The following DNAH3 variants were observed in gnomAD, a reference collection of about 807,000 sequenced individuals.
The protein encoded by DNAH3 is dynein axonemal heavy chain 3.
In DNAH3, 332 loss-of-function variants were observed where a neutral mutation model predicts 432.5. The ratio of observed to expected loss-of-function variants is 0.77; its 90% CI spans 0.70 to 0.84. DNAH3 has a LOEUF of 0.84. DNAH3 is among the 40% of genes least tolerant of loss of function. The probability of loss-of-function intolerance (pLI) is 0.00; values close to 1 mark genes in which losing one functional copy is unlikely to be tolerated. For synonymous variants in DNAH3, 1,956 were observed against 1,900.2 expected, an observed-to-expected ratio of 1.03 and a Z score of -0.76; for missense variants, 4,861 against 5,114.0, an observed-to-expected ratio of 0.95 and a Z score of 1.51.
chr16:21,038,787 A>T (rs147573695), intron 33 of DNAH3, among the ~76,000 whole-genome samples: 1 of 152,324 alleles, frequency 6.6e-6, no homozygotes, highest in African/African-American at 2.4e-5. Flanking sequence ...TTGAGTGAGC[A>T]AATCAATGCA....
At chr16:20,993,258 C>G (rs570546921) in intron 44 of DNAH3, among the ~76,000 whole-genome samples, 18 of 152,288 alleles carry the variant, frequency 1.2e-4, no homozygotes, top group African/African-American at 4.3e-4. Context: ...ATAGAAAATT[C>G]TACGTTTTCA....
exon 29 of DNAH3, chr16:21,051,851 T>C (rs777663453): frequency 1.2e-6 from 2 of 1,614,182 alleles, no homozygotes; most frequent in Admixed American, 3.3e-5. Flanking sequence ...TCAGATAACT[T>C]GGCCACCACG....
exon 31 of DNAH3, chr16:21,049,585 T>G (rs1451787901): frequency 1.9e-6 from 3 of 1,613,986 alleles, no homozygotes; most frequent in Non-Finnish European, 2.5e-6. Flanking sequence ...CCTGTTGAAC[T>G]CATCAAAGCA....
At chr16:20,981,265 G>A (rs1335425029) in intron 49 of DNAH3, among the ~76,000 whole-genome samples, 2 of 152,196 alleles carry the variant, frequency 1.3e-5, no homozygotes, top group African/African-American at 2.4e-5. Flanking sequence ...AAATGAAGAT[G>A]TAATGTTTCC....
rs1335847037 is a variant in DNAH3, at chr16:20,987,709, G to A, written c.6866C>T (p.Pro2289Leu). ...GTGGCTGACCTGCAGGTGTGTGTGAGGGCACAGCAGGACCCCTTGAATCAC... is the reference window on the plus strand; with the variant it reads ...GTGGCTGACCTGCAGGTGTGTGTGAAGGCACAGCAGGACCCCTTGAATCAC... Residue 2289 changes from proline (P) to leucine (L), a missense_variant, in exon 46 of 62, where the codon CCT (proline) becomes CTT (leucine). Physicochemically the swap from Pro to Leu is moderately conservative, Grantham distance 98. Transcript: ENST00000261383. 2.5e-6 allele frequency: 4 copies of A among 1,614,012 alleles called. No homozygotes were observed. In the South Asian group the frequency reaches 3.3e-5, roughly 13 times the overall value.
intron 1 of DNAH3, among the ~76,000 whole-genome samples, chr16:21,153,899 T>C (rs7185682): frequency 0.47 from 71,823 of 152,058 alleles, 17,447 homozygotes; most frequent in East Asian, 0.69. Flanking sequence ...TTTCCATCCT[T>C]TCAAAATAAC....
intron 1 of DNAH3, chr16:21,158,568 C>G (rs1447108773): frequency 2.0e-5 from 3 of 152,362 alleles, no homozygotes; most frequent in Non-Finnish European, 4.4e-5. Flanking sequence ...ATCCTTCCGG[C>G]CACGGGCGGG....
chr16:20,965,429 T>C lies in DNAH3; in HGVS notation c.8459-4A>G. ...CAGTAATCTTCTATCATCTTACCTA[T>C]TTGGAACAAGAAACAGAGATAATGT... On this transcript the variant is annotated splice_polypyrimidine_tract_variant and splice_region_variant and intron_variant, in intron 52 of 61. Transcript: ENST00000261383. 1 of 1,509,032 alleles carries C rather than the reference T, an allele frequency of 6.6e-7. No homozygotes were observed. The highest frequency in any genetic ancestry group is 8.9e-7 in the Non-Finnish European group (1 of 1,128,812). 93.5% of individuals were successfully genotyped at this position (1,509,032 alleles called of 1,614,324 possible).
chr16:21,008,475 T>A, intron 41 of DNAH3, among the ~76,000 whole-genome samples: 1 of 152,064 alleles, frequency 6.6e-6, no homozygotes, highest in East Asian at 1.9e-4. Flanking sequence ...GAACCATGGG[T>A]CCATCTCACT....
chr16:21,142,797 G>C (rs1470492868), intron 3 of DNAH3, among the ~76,000 whole-genome samples: 1 of 151,940 alleles, frequency 6.6e-6, no homozygotes, highest in Non-Finnish European at 1.5e-5. Context: ...AGGAGTACAG[G>C]CGCATGCCAC....
chr16:20,966,339 G>A (rs906483060), intron 52 of DNAH3, among the ~76,000 whole-genome samples: 2 of 151,618 alleles, frequency 1.3e-5, no homozygotes, highest in Non-Finnish European at 2.9e-5. Flanking sequence ...ACGCCCAGCT[G>A]TGCCCAGCCA....
chr16:21,154,754 T>C (rs2092887579), intron 1 of DNAH3, among the ~76,000 whole-genome samples: 1 of 152,174 alleles, frequency 6.6e-6, no homozygotes, highest in South Asian at 2.1e-4. Context: ...TGAAATCTGT[T>C]CCATGGCTTC....
chr16:20,945,632 A>G (rs2084011882), intron 57 of DNAH3, among the ~76,000 whole-genome samples: 1 of 152,098 alleles, frequency 6.6e-6, no homozygotes, highest in Admixed American at 6.5e-5. Flanking sequence ...CTGGGATTAT[A>G]GGCATATGCC....
chr16:20,982,975 G>A, intron 48 of DNAH3, 89 bp from the exon 49 acceptor site: 1 of 1,461,988 alleles, frequency 6.8e-7, no homozygotes, highest in Non-Finnish European at 9.5e-7. Flanking sequence ...TTCTGGTGGG[G>A]TAAGTGGGGG....
chr16:20,935,744 G>T (rs1025220491), intron 60 of DNAH3, among the ~76,000 whole-genome samples: 3 of 151,806 alleles, frequency 2.0e-5, no homozygotes, highest in Non-Finnish European at 4.4e-5. Context: ...TTGGGAAGCT[G>T]AGGCAGGAGA....
At chr16:21,086,268 C>T (rs2091368853) in intron 19 of DNAH3, among the ~76,000 whole-genome samples, 1 of 152,194 alleles carries the variant, frequency 6.6e-6, no homozygotes, top group African/African-American at 2.4e-5. Context: ...ATCACCCTCA[C>T]ACTTGGTTCC....
exon 32 of DNAH3, chr16:21,042,177 C>A (rs1184934707): frequency 6.2e-7 from 1 of 1,609,804 alleles, no homozygotes; most frequent in African/African-American, 1.3e-5. Flanking sequence ...TGAGGATCTG[C>A]TGAGCGACCA....
At chr16:21,036,311 G>C (rs549776048) in intron 35 of DNAH3, among the ~76,000 whole-genome samples, 1 of 152,294 alleles carries the variant, frequency 6.6e-6, no homozygotes, top group African/African-American at 2.4e-5. Flanking sequence ...GGGCAACAGA[G>C]CAAGACTGCA....
At chr16:20,985,227 G>A (rs149674435) in exon 48 of DNAH3, 1 of 1,614,182 alleles carries the variant, frequency 6.2e-7, no homozygotes, top group Middle Eastern at 1.6e-4. Context: ...GAAGCATGTT[G>A]ATGTCCTCCA....
Sources: gnomAD v4.1 joint callset for allele counts (sites outside exome capture counted in the v4.1 genomes callset) on GRCh38, gnomAD v4.1.1 for gene constraint, MANE v1.5 for transcripts, NCBI Gene and HGNC (gene_info 2026-07-23, HGNC 2026-07-21) for gene names.